Variants in GTF2I observed in about 807,000 individuals in gnomAD.
GTF2I encodes the protein general transcription factor IIi, also known as general transcription factor II-I.
A neutral mutation model predicts 67.6 loss-of-function variants in GTF2I; 12 were observed. The observed-to-expected ratio is 0.18, with a 90% confidence interval of 0.11 to 0.29. The LOEUF is 0.29. Ranked by LOEUF, GTF2I falls within the 10% of genes least tolerant of loss-of-function variation. GTF2I has a pLI of 1.00. For synonymous variants in GTF2I, 149 were observed against 197.0 expected (o/e 0.76, Z 2.04); for missense variants, 271 against 580.1 (o/e 0.47, Z 5.47).
intron 2 of GTF2I, 64 bp downstream of exon 2, chr7:74,689,291 GT>G: frequency 3.6e-6 from 2 of 549,920 alleles, no homozygotes; most frequent in South Asian, 6.2e-5. Flanking sequence ...AGGTTGATTT[GT>G]TTTTGTGGAA....
intron 9 of GTF2I, among the ~76,000 whole-genome samples, chr7:74,711,326 G>T (rs1343072409): frequency 2.0e-5 from 3 of 152,140 alleles, no homozygotes; most frequent in Non-Finnish European, 4.4e-5. Context: ...AGCCATTTGT[G>T]TTCTTAAAAG....
At chr7:74,674,388 A>G (rs1166891667) in intron 1 of GTF2I, among the ~76,000 whole-genome samples, 1 of 152,120 alleles carries the variant, frequency 6.6e-6, no homozygotes, top group Non-Finnish European at 1.5e-5. Context: ...AAACTTAGAA[A>G]ATAGTTGCAA....
chr7:74,702,394 A>C (rs1207064676), intron 6 of GTF2I, among the ~76,000 whole-genome samples: 2 of 151,954 alleles, frequency 1.3e-5, no homozygotes, highest in African/African-American at 4.8e-5. Flanking sequence ...CACCCGGCTA[A>C]TTTTTGTATT....
chr7:74,660,628 T>TC (rs1422348702), intron 1 of GTF2I, among the ~76,000 whole-genome samples: 1 of 149,028 alleles, frequency 6.7e-6, no homozygotes, highest in Non-Finnish European at 1.5e-5. Context: ...TTTCTTTTTT[T>TC]TTTTTTTTCG....
At chr7:74,693,265 ATTTTTTTTTTTTTT>A (rs1158949751) in intron 3 of GTF2I, among the ~76,000 whole-genome samples, 22 of 83,004 alleles carry the variant, frequency 2.7e-4, no homozygotes, top group Admixed American at 1.1e-3. Flanking sequence ...CTGTAGTGGA[ATTTTTTTTTTTTTT>A]TTTTTTTTTT....
intron 1 of GTF2I, chr7:74,684,716 TC>T (rs1554394983): frequency 6.6e-6 from 1 of 152,226 alleles, no homozygotes; most frequent in African/African-American, 2.4e-5. Flanking sequence ...GTGCTTTCCA[TC>T]CTGCAGGGCT....
chr7:74,697,881 G>A (rs918342216), intron 3 of GTF2I, among the ~76,000 whole-genome samples: 1 of 151,976 alleles, frequency 6.6e-6, no homozygotes, highest in Non-Finnish European at 1.5e-5. Context: ...CAATTCTCCT[G>A]CCTCAGCCTC....
At chr7:74,669,074 A>C (rs1805229393) in intron 1 of GTF2I, among the ~76,000 whole-genome samples, 1 of 151,944 alleles carries the variant, frequency 6.6e-6, no homozygotes, top group African/African-American at 2.4e-5. Flanking sequence ...AACAGTAACT[A>C]TTCATTTATT....
intron 22 of GTF2I, 155 bp downstream of exon 22, chr7:74,746,096 CTTT>C: frequency 1.9e-5 from 2 of 103,952 alleles, no homozygotes; most frequent in East Asian, 2.3e-4. Flanking sequence ...AACTATTTTT[CTTT>C]TTTTTTTTTA....
chr7:74,715,721 A>T (rs150084344), intron 10 of GTF2I, among the ~76,000 whole-genome samples: 9 of 152,214 alleles, frequency 5.9e-5, no homozygotes, highest in African/African-American at 1.4e-4. Context: ...AGAGTGACTC[A>T]TAGGTATAGG....
intron 12 of GTF2I, among the ~76,000 whole-genome samples, chr7:74,724,290 T>C (rs1446364901): frequency 3.3e-5 from 5 of 152,236 alleles, no homozygotes; most frequent in Non-Finnish European, 7.3e-5. Flanking sequence ...ATAGATATAT[T>C]ACCTGGTGTT....
intron 3 of GTF2I, among the ~76,000 whole-genome samples, chr7:74,695,477 C>T (rs1788796518): frequency 6.6e-6 from 1 of 152,170 alleles, no homozygotes; most frequent in Non-Finnish European, 1.5e-5. Flanking sequence ...GGAAATGAAC[C>T]TGCAGATGCT....
At chr7:74,727,623 T>C (rs1410374903) in intron 12 of GTF2I, 2 of 152,240 alleles carry the variant, frequency 1.3e-5, no homozygotes, top group Non-Finnish European at 2.9e-5. Context: ...ATAATTATTT[T>C]CTTCACCATA....
At chr7:74,725,437 A>G (rs1793627380) in intron 12 of GTF2I, among the ~76,000 whole-genome samples, 1 of 152,190 alleles carries the variant, frequency 6.6e-6, no homozygotes, top group Non-Finnish European at 1.5e-5. Flanking sequence ...CTATAATCCC[A>G]GCACTTTAGG....
At position 74,707,895 on chromosome 7, in the gene GTF2I, C is replaced by T. The variant is rs111246953; in HGVS notation, c.685+1462C>T. Among the ~76,000 whole-genome samples the T allele has an allele frequency of 2.5e-3, 383 of 151,690 alleles. 1 individual carries two copies. Among genetic ancestry groups the T allele is most frequent in the Non-Finnish European group, 4.5e-3 (304 of 67,900 alleles). Reference sequence around the variant, plus strand: ...TAGGTTTTTTTTTTTCTCTTTTACACTTTGCATCTTTGTATTCTTAATTTA... The same window carrying T: ...TAGGTTTTTTTTTTTCTCTTTTACATTTTGCATCTTTGTATTCTTAATTTA... On this transcript the variant is annotated intron_variant, in intron 8 of 34. Transcript: ENST00000573035.
chr7:74,719,156 G>A (rs1445941131), intron 12 of GTF2I, among the ~76,000 whole-genome samples: 1 of 152,160 alleles, frequency 6.6e-6, no homozygotes, highest in South Asian at 2.1e-4. Context: ...CCCACGGGTG[G>A]CCCAAGCTAT....
chr7:74,711,147 A>G, intron 9 of GTF2I, 38 bp downstream of exon 9: 2 of 899,798 alleles, frequency 2.2e-6, no homozygotes, highest in East Asian at 5.6e-5. Flanking sequence ...TCTAAAAATT[A>G]TTCGTGGTTA....
chr7:74,670,623 G>T (rs975150595), intron 1 of GTF2I, among the ~76,000 whole-genome samples: 2 of 150,656 alleles, frequency 1.3e-5, no homozygotes, highest in South Asian at 4.2e-4. Context: ...CTGGGAGACG[G>T]AGGTTGCAGT....
intron 1 of GTF2I, among the ~76,000 whole-genome samples, chr7:74,664,885 C>T (rs1418373339): frequency 6.6e-6 from 1 of 152,018 alleles, no homozygotes; most frequent in African/African-American, 2.4e-5. Flanking sequence ...TGGCCCTTGC[C>T]GTTTCCTGCC....
Sources: gnomAD v4.1 joint callset for allele counts (sites outside exome capture counted in the v4.1 genomes callset) on GRCh38, gnomAD v4.1.1 for gene constraint, MANE v1.5 for transcripts, NCBI Gene and HGNC (gene_info 2026-07-23, HGNC 2026-07-21) for gene names.